ATRNL1: variants seen among roughly 807,000 people sequenced by gnomAD.
ATRNL1 encodes attractin-like protein 1.
A neutral mutation model predicts 182.7 loss-of-function variants in ATRNL1; 95 were observed. That is an observed-to-expected ratio of 0.52 (90% confidence interval 0.44 to 0.62). The LOEUF is 0.62. Ranked by LOEUF, ATRNL1 falls within the 20% of genes least tolerant of loss-of-function variation. The probability of loss-of-function intolerance (pLI) is 0.00; values close to 1 mark genes in which losing one functional copy is unlikely to be tolerated. For missense variants in ATRNL1, 1,471 were observed against 1,679.5 expected (o/e 0.88, Z 2.17); for synonymous variants, 576 against 568.3 (o/e 1.01, Z -0.19).
intron 1 of ATRNL1, among the ~76,000 whole-genome samples, chr10:115,118,550 T>C (rs1282445789): frequency 6.6e-6 from 1 of 152,138 alleles, no homozygotes; most frequent in East Asian, 1.9e-4. Context: ...AGGTAAAGGC[T>C]GGTTAACTTC....
chr10:115,596,625 A>T (rs1175418525), intron 26 of ATRNL1, among the ~76,000 whole-genome samples: 2 of 152,160 alleles, frequency 1.3e-5, no homozygotes, highest in Non-Finnish European at 2.9e-5. Flanking sequence ...AGTGAGCTGA[A>T]GGGCGTGTTT....
intron 28 of ATRNL1, among the ~76,000 whole-genome samples, chr10:115,919,794 G>A (rs1952990662): frequency 6.6e-6 from 1 of 152,108 alleles, no homozygotes; most frequent in Admixed American, 6.5e-5. Context: ...GGTGACTGGT[G>A]AGGGCCTTCT....
At chr10:115,902,703 C>T (rs1254287319) in intron 28 of ATRNL1, among the ~76,000 whole-genome samples, 5 of 152,110 alleles carry the variant, frequency 3.3e-5, no homozygotes, top group Non-Finnish European at 5.9e-5. Flanking sequence ...GGAAAATCAG[C>T]GAATATTTGG....
intron 27 of ATRNL1, among the ~76,000 whole-genome samples, chr10:115,749,035 AT>A (rs1555069955): frequency 6.6e-6 from 1 of 151,978 alleles, no homozygotes; most frequent in African/African-American, 2.4e-5. Context: ...TAAATTAAAA[AT>A]ATTACTGTAA....
chr10:115,833,499 GTTA>G (rs1400296522), intron 27 of ATRNL1, among the ~76,000 whole-genome samples: 1 of 152,106 alleles, frequency 6.6e-6, no homozygotes, highest in Non-Finnish European at 1.5e-5. Flanking sequence ...ATAAGAATAA[GTTA>G]TTATTATAGT....
intron 27 of ATRNL1, among the ~76,000 whole-genome samples, chr10:115,774,964 C>T (rs1181160725): frequency 3.3e-5 from 5 of 151,774 alleles, no homozygotes; most frequent in Admixed American, 6.6e-5. Flanking sequence ...ACTATTGTGA[C>T]GTTGACTAAT....
chr10:115,241,671 T>C lies in ATRNL1; in HGVS notation c.1633T>C (p.Ser545Pro). 1 of 1,612,046 alleles carries C rather than the reference T, an allele frequency of 6.2e-7. No individual in the cohort carries two copies. The highest frequency in any genetic ancestry group is 8.5e-7 in the Non-Finnish European group (1 of 1,178,646). The change falls in exon 10 of 29, where the codon TCC becomes CCC. Residue 545 changes from serine (S) to proline (P), a missense_variant. Coordinates refer to ENST00000355044, the MANE Select transcript of ATRNL1 (RefSeq NM_207303.4). ...IFGGNTHNDT[S>P]LSNGAKCFSA... ...TGGAGGAAATACCCATAATGACACT[T>C]CCTTGAGTAACGGTGCAAAATGTTT...
At chr10:115,695,987 C>T (rs551904967) in intron 26 of ATRNL1, among the ~76,000 whole-genome samples, 1 of 151,974 alleles carries the variant, frequency 6.6e-6, no homozygotes, top group Non-Finnish European at 1.5e-5. Context: ...CAAGCTCCAC[C>T]TCCCAGGTTC....
chr10:115,740,608 C>G (rs1555067395), intron 27 of ATRNL1, among the ~76,000 whole-genome samples: 1 of 152,146 alleles, frequency 6.6e-6, no homozygotes, highest in African/African-American at 2.4e-5. Context: ...CGGGTTCATG[C>G]AATTCTTCTG....
intron 19 of ATRNL1, among the ~76,000 whole-genome samples, chr10:115,335,000 A>G (rs947046509): frequency 1.3e-5 from 2 of 152,146 alleles, no homozygotes; most frequent in Non-Finnish European, 2.9e-5. Flanking sequence ...TAAAGGTCAA[A>G]TGAGATTTTA....
At chr10:115,899,334 GT>G (rs2134484935) in intron 28 of ATRNL1, among the ~76,000 whole-genome samples, 1 of 152,188 alleles carries the variant, frequency 6.6e-6, no homozygotes, top group Admixed American at 6.5e-5. Flanking sequence ...TTGAGACGGA[GT>G]TTCGCTCTTA....
At chr10:115,276,506 G>A (rs1312388414) in intron 13 of ATRNL1, among the ~76,000 whole-genome samples, 3 of 152,166 alleles carry the variant, frequency 2.0e-5, no homozygotes, top group Non-Finnish European at 4.4e-5. Context: ...AGAGCAGATG[G>A]TACTCACTTG....
intron 26 of ATRNL1, among the ~76,000 whole-genome samples, chr10:115,575,252 A>G (rs1555004784): frequency 6.6e-6 from 1 of 152,178 alleles, no homozygotes; most frequent in African/African-American, 2.4e-5. Flanking sequence ...CTTTCAAGTC[A>G]TTTTGTTTAC....
At chr10:115,370,896 C>T (rs562660263) in intron 19 of ATRNL1, among the ~76,000 whole-genome samples, 1 of 152,172 alleles carries the variant, frequency 6.6e-6, no homozygotes, top group Admixed American at 6.5e-5. Flanking sequence ...GGCCAGGAGG[C>T]CTAGGAGGAA....
At chr10:115,886,877 G>T (rs1555109937) in intron 28 of ATRNL1, among the ~76,000 whole-genome samples, 2 of 152,048 alleles carry the variant, frequency 1.3e-5, no homozygotes, top group African/African-American at 4.8e-5. Context: ...TAAAATTATT[G>T]TCAAATGTTA....
At chr10:115,864,969 G>A (rs1343818594) in intron 28 of ATRNL1, among the ~76,000 whole-genome samples, 15 of 148,600 alleles carry the variant, frequency 1.0e-4, no homozygotes, top group East Asian at 3.9e-4. Flanking sequence ...GCGACAGAGC[G>A]AGACTCCGTC....
chr10:115,436,438 T>C (rs1846408846), intron 21 of ATRNL1, among the ~76,000 whole-genome samples: 1 of 152,122 alleles, frequency 6.6e-6, no homozygotes, highest in Non-Finnish European at 1.5e-5. Flanking sequence ...ATACAATTAG[T>C]AGTTTTCAGA....
At chr10:115,515,666 C>T (rs1375744698) in intron 24 of ATRNL1, among the ~76,000 whole-genome samples, 4 of 151,806 alleles carry the variant, frequency 2.6e-5, no homozygotes, top group African/African-American at 9.7e-5. Context: ...TGTTTTGTAA[C>T]ATAACTTCTT....
At chr10:115,788,464 CT>C (rs1254885867) in intron 27 of ATRNL1, among the ~76,000 whole-genome samples, 20 of 152,168 alleles carry the variant, frequency 1.3e-4, no homozygotes, top group Admixed American at 1.3e-3. Flanking sequence ...AGCTTCCCTC[CT>C]TTATGGGTGC....
Sources: allele counts gnomAD v4.1 joint callset (sites outside exome capture counted in the v4.1 genomes callset), GRCh38; gene constraint gnomAD v4.1.1; transcripts MANE v1.5; gene names NCBI Gene and HGNC (gene_info 2026-07-23, HGNC 2026-07-21).